CNGA1: variants seen among roughly 807,000 people sequenced by gnomAD.
CNGA1 encodes cyclic nucleotide-gated channel alpha-1.
In CNGA1, 53 loss-of-function variants were observed where a neutral mutation model predicts 69.7. The ratio of observed to expected loss-of-function variants is 0.76; its 90% CI spans 0.61 to 0.96. The LOEUF is 0.96. CNGA1 is among the 40% of genes least tolerant of loss of function. CNGA1 has a pLI of 0.00. For missense variants in CNGA1, 739 were observed against 811.2 expected (o/e 0.91, Z 1.08); for synonymous variants, 249 against 283.5 (o/e 0.88, Z 1.22).
At chr4:48,013,072 C>G (rs2109358833) in intron 1 of CNGA1, 1 of 152,248 alleles carries the variant, frequency 6.6e-6, no homozygotes, top group Middle Eastern at 3.4e-3. Flanking sequence ...AGAAGTTGTA[C>G]AGCAAAATAA....
At chr4:47,953,661 T>C (rs935569165) in intron 3 of CNGA1, among the ~76,000 whole-genome samples, 6 of 152,202 alleles carry the variant, frequency 3.9e-5, no homozygotes, top group Non-Finnish European at 7.3e-5. Flanking sequence ...TCAATTCACT[T>C]TCCAGCTGCT....
chr4:47,992,227 T>C (rs1742299906), intron 2 of CNGA1, among the ~76,000 whole-genome samples: 2 of 152,164 alleles, frequency 1.3e-5, no homozygotes, highest in Admixed American at 6.5e-5. Context: ...TTGATGGGAA[T>C]TGCATTAAAT....
rs976681123 is a variant in CNGA1 at position 48,002,744 on chromosome 4, A to G, written c.-123+8050T>C. Reference sequence around the variant, plus strand: ...AAAGATATCTCAAAAGGCCAGTGTTAGGTTCTACAATATTGATGTTATTTG... The same window carrying G: ...AAAGATATCTCAAAAGGCCAGTGTTGGGTTCTACAATATTGATGTTATTTG... On this transcript the variant is annotated intron_variant, in intron 2 of 10. Transcript: ENST00000514170. Among the ~76,000 whole-genome samples, 3 of 151,494 alleles carry G rather than the reference A, an allele frequency of 2.0e-5. No homozygotes were observed. The East Asian group carries it at 5.8e-4, about 29-fold the overall frequency.
intron 3 of CNGA1, among the ~76,000 whole-genome samples, chr4:47,955,592 C>T (rs765615541): frequency 1.3e-5 from 2 of 152,186 alleles, no homozygotes; most frequent in Non-Finnish European, 2.9e-5. Flanking sequence ...CTGTTTCACA[C>T]CTCTGTGCCT....
At chr4:47,990,850 G>T (rs1409947675) in intron 2 of CNGA1, among the ~76,000 whole-genome samples, 1 of 152,140 alleles carries the variant, frequency 6.6e-6, no homozygotes, top group African/African-American at 2.4e-5. Context: ...TTATGCTTTT[G>T]CATCCTCATA....
At chr4:47,987,616 T>C (rs1742030676) in intron 2 of CNGA1, among the ~76,000 whole-genome samples, 1 of 151,340 alleles carries the variant, frequency 6.6e-6, no homozygotes, top group Non-Finnish European at 1.5e-5. Context: ...AAAACTAATT[T>C]CTGCCCTTGT....
Position 47,942,889 on chromosome 4 carries a change from G to A in CNGA1, c.437+292C>T, listed in dbSNP as rs115539362. ...CCTTGGAACCTAAATATTTCTCAGC[G>A]ATAAGTTATCTTCACCAATGCTTAG... On this transcript the variant is annotated intron_variant, in intron 8 of 10. Transcript: ENST00000514170. The A allele has an allele frequency of 4.0e-3, 922 of 230,886 alleles. 5 individuals are homozygous for A. The highest frequency in any genetic ancestry group is 0.019 in the African/African-American group (832 of 44,084). The allele number at this position is 230,886 out of a possible 1,614,324, so 14.3% of individuals were successfully genotyped here. A position where few individuals can be genotyped will look rare whatever the true frequency, so the allele number is the denominator to read the frequency against.
chr4:48,014,766 C>G (rs1715303595), intron 1 of CNGA1, among the ~76,000 whole-genome samples: 1 of 152,126 alleles, frequency 6.6e-6, no homozygotes, highest in South Asian at 2.1e-4. Flanking sequence ...AAATGCTATC[C>G]AAGTGTTTGT....
chr4:47,984,661 TATACACACACAC>T (rs1741904823), intron 2 of CNGA1, among the ~76,000 whole-genome samples: 1 of 96,966 alleles, frequency 1.0e-5, no homozygotes, highest in Non-Finnish European at 2.2e-5. Context: ...TATATATATA[TATACACACACAC>T]ACACACACAC....
At chr4:47,957,592 C>T (rs1740166381) in intron 3 of CNGA1, among the ~76,000 whole-genome samples, 1 of 151,914 alleles carries the variant, frequency 6.6e-6, no homozygotes, top group African/African-American at 2.4e-5. Context: ...TGCACTCTAG[C>T]CTGGGTGACA....
chr4:47,985,549 A>T (rs1741939686), intron 2 of CNGA1, among the ~76,000 whole-genome samples: 1 of 152,178 alleles, frequency 6.6e-6, no homozygotes, highest in Non-Finnish European at 1.5e-5. Context: ...ATTATAGTAA[A>T]CCTTTCTTCC....
Position 47,936,367 on chromosome 4 carries a change from A to G in CNGA1, c.*54T>C, listed in dbSNP as rs145726626. The G allele has an allele frequency of 8.2e-6, 13 of 1,582,600 alleles. No individual in the cohort carries two copies. Among genetic ancestry groups the G allele is most frequent in the African/African-American group, 5.4e-5 (4 of 74,396 alleles). On this transcript the variant is annotated 3_prime_UTR_variant, in exon 11 of 11. Transcript: ENST00000514170. Reference sequence around the variant, plus strand: ...TTTTAAATTTTAGTTGATGTCAGTCATAGGATCAAAAGGATCATGAGGCAT... The same window carrying G: ...TTTTAAATTTTAGTTGATGTCAGTCGTAGGATCAAAAGGATCATGAGGCAT...
At chr4:47,970,237 T>C (rs1740941818) in intron 3 of CNGA1, among the ~76,000 whole-genome samples, 1 of 152,110 alleles carries the variant, frequency 6.6e-6, no homozygotes, top group Non-Finnish European at 1.5e-5. Flanking sequence ...AGAATAACTA[T>C]GAGGAACAGT....
At chr4:47,991,121 G>C (rs1297686447) in intron 2 of CNGA1, among the ~76,000 whole-genome samples, 1 of 152,194 alleles carries the variant, frequency 6.6e-6, no homozygotes, top group Non-Finnish European at 1.5e-5. Context: ...ATAAGCATGA[G>C]TGTGCAAGTA....
intron 6 of CNGA1, among the ~76,000 whole-genome samples, chr4:47,944,134 T>C (rs939035124): frequency 5.3e-5 from 8 of 152,146 alleles, no homozygotes; most frequent in African/African-American, 1.4e-4. Flanking sequence ...TTGTTACCAC[T>C]AGGATAGTCA....
At chr4:48,015,429 C>T (rs935409459) in intron 1 of CNGA1, among the ~76,000 whole-genome samples, 2 of 152,122 alleles carry the variant, frequency 1.3e-5, no homozygotes, top group Admixed American at 6.5e-5. Flanking sequence ...AAGATTGAGG[C>T]CTCTGCTATG....
At chr4:47,967,294 T>G (rs1264321390) in intron 3 of CNGA1, among the ~76,000 whole-genome samples, 1 of 151,820 alleles carries the variant, frequency 6.6e-6, no homozygotes, top group African/African-American at 2.4e-5. Context: ...CAGAACCAGA[T>G]TCTGTCTCAA....
chr4:47,969,196 C>G (rs1194011826), intron 3 of CNGA1, among the ~76,000 whole-genome samples: 2 of 152,026 alleles, frequency 1.3e-5, no homozygotes, highest in African/African-American at 4.8e-5. Flanking sequence ...CTTTTCCACA[C>G]CTTCTCCATT....
At chr4:47,979,263 G>C (rs1372698621) in intron 3 of CNGA1, among the ~76,000 whole-genome samples, 2 of 147,740 alleles carry the variant, frequency 1.4e-5, no homozygotes, top group Non-Finnish European at 1.5e-5. Flanking sequence ...GGAGGTTGCA[G>C]TGAGCCAAGA....
Sources: allele counts gnomAD v4.1 joint callset (sites outside exome capture counted in the v4.1 genomes callset), GRCh38; gene constraint gnomAD v4.1.1; transcripts MANE v1.5; gene names NCBI Gene and HGNC (gene_info 2026-07-23, HGNC 2026-07-21).